PKHD1L1: variants seen among roughly 807,000 people sequenced by gnomAD.
The protein encoded by PKHD1L1 is fibrocystin-L.
Under a neutral mutation model 462.9 loss-of-function variants are expected in PKHD1L1, and 434 were observed. The observed-to-expected ratio is 0.94, with a 90% CI of 0.87 to 1.02. The LOEUF is 1.02. PKHD1L1 is among the 50% of genes least tolerant of loss of function. The probability of loss-of-function intolerance (pLI) is 0.00; values close to 1 mark genes in which losing one functional copy is unlikely to be tolerated. For missense variants in PKHD1L1, 5,202 were observed against 5,096.1 expected (o/e 1.02, Z -0.63); for synonymous variants, 1,781 against 1,750.0 (o/e 1.02, Z -0.44).
intron 8 of PKHD1L1, among the ~76,000 whole-genome samples, chr8:109,389,503 T>A (rs1586412095): frequency 7.0e-5 from 1 of 14,368 alleles, no homozygotes; most frequent in Non-Finnish European, 1.4e-4. Flanking sequence ...TTTAAGAGTG[T>A]GTGTGTGTGT....
chr8:109,454,849 C>A lies in PKHD1L1; in HGVS notation c.6871C>A (p.His2291Asn), dbSNP rs1017331162. 1 of 1,613,124 alleles carries A rather than the reference C, an allele frequency of 6.2e-7. No individual in the cohort carries two copies. The highest frequency in any genetic ancestry group is 8.5e-7 in the Non-Finnish European group (1 of 1,179,478). The change falls in exon 45 of 78, where the codon CAC becomes AAC. Residue 2291 changes from histidine to asparagine, a missense_variant. His to Asn is a moderately conservative substitution (Grantham distance 68). This residue lies in a region of PKHD1L1 where 4,497 missense variants were observed against 4,336.8 expected (regional missense o/e 1.04). Transcript: ENST00000378402. ...TGTGCGGGAGGGAATCCTGGATCTG[C>A]ACGGTACTGTGGCCAAGTGGCTAAG... ...LAVREGILDL[H>N]GVPVPVTWTR...
chr8:109,526,920 A>C lies in PKHD1L1; in HGVS notation c.12621A>C (p.Thr4207=). The change falls in exon 77 of 78, where the codon ACA becomes ACC. Residue 4207 remains threonine (T), a synonymous_variant. Coordinates refer to ENST00000378402, the MANE Select transcript of PKHD1L1 (RefSeq NM_177531.6). ...SSNSKASTVG[T]YAQIMTVVIS... is the part of the protein sequence containing the mutation. Reference sequence around the variant, plus strand: ...ACAGCAAAGCATCAACTGTGGGTACATATGCCCAGATAATGACTGTAGTAA... The same window carrying C: ...ACAGCAAAGCATCAACTGTGGGTACCTATGCCCAGATAATGACTGTAGTAA... 1 of 1,613,686 alleles carries C rather than the reference A, an allele frequency of 6.2e-7. No homozygotes were observed. The highest frequency in any genetic ancestry group is 8.5e-7 in the Non-Finnish European group (1 of 1,179,802).
rs1218592816 is a variant in PKHD1L1, at chr8:109,449,315, T to C, written c.6026-23T>C. The C allele has an allele frequency of 1.6e-5, 24 of 1,542,936 alleles. No homozygotes were observed. The Admixed American group carries it at 3.9e-4, about 25-fold the overall frequency. On this transcript the variant is annotated intron_variant, in intron 39 of 77. Transcript: ENST00000378402. ...GTTTTATTTTAATTAGCTTTGTTTTTCCTTTTTATTTGTCTTCACTAGGGA... is the reference window on the plus strand; with the variant it reads ...GTTTTATTTTAATTAGCTTTGTTTTCCCTTTTTATTTGTCTTCACTAGGGA...
At chr8:109,474,518 T>C (rs1303178985) in intron 50 of PKHD1L1, among the ~76,000 whole-genome samples, 1 of 152,172 alleles carries the variant, frequency 6.6e-6, no homozygotes, top group Admixed American at 6.6e-5. Flanking sequence ...ATAGGTCTAG[T>C]TGTAGCCTTG....
chr8:109,389,499 A>AGTGTGT lies in PKHD1L1; in HGVS notation c.697+390_697+395dup, dbSNP rs55680302. ...CCTCCAGACACATAGATCTTTTAAGAGTGTGTGTGTGTGTGTGTGTGTGTG... is the reference window on the plus strand; with the variant it reads ...CCTCCAGACACATAGATCTTTTAAGAGTGTGTGTGTGTGTGTGTGTGTGTGTGTGTG... On this transcript the variant is annotated intron_variant, in intron 8 of 77. Transcript: ENST00000378402. Among the ~76,000 whole-genome samples, 300 of 140,878 alleles carry AGTGTGT rather than the reference A, an allele frequency of 2.1e-3. 1 individual carries two copies. The highest frequency in any genetic ancestry group is 0.019 in the East Asian group (87 of 4,654). 92.4% of individuals were successfully genotyped at this position (140,878 alleles called of 152,430 possible). A position where few individuals can be genotyped will look rare whatever the true frequency, so the allele number is the denominator to read the frequency against.
intron 47 of PKHD1L1, among the ~76,000 whole-genome samples, 161 bp downstream of exon 47, chr8:109,459,997 A>C (rs1238504187): frequency 1.3e-5 from 2 of 151,952 alleles, no homozygotes; most frequent in Non-Finnish European, 2.9e-5. Context: ...ATATCTTATA[A>C]ATATAATTAA....
rs538092084 is a variant in PKHD1L1 at position 109,534,187 on chromosome 8, G to A, written c.*4097G>A. On this transcript the variant is annotated 3_prime_UTR_variant, in exon 78 of 78. Coordinates refer to ENST00000378402, the MANE Select transcript of PKHD1L1 (RefSeq NM_177531.6). The stretch of plus-strand genomic sequence containing the variant: ...TGCTTCAACTTTAATCTGAGGCTAG[G>A]CGCAGTGGCTCACGCCTGTAATCCC... Among the ~76,000 whole-genome samples the A allele has an allele frequency of 1.3e-5, 2 of 152,362 alleles. No homozygotes were observed. The highest frequency in any genetic ancestry group is 4.8e-5 in the African/African-American group (2 of 41,594).
chr8:109,475,135 T>C lies in PKHD1L1; in HGVS notation c.8623T>C (p.Phe2875Leu), dbSNP rs1291551656. The C allele has an allele frequency of 1.9e-6, 3 of 1,609,514 alleles. No individual in the cohort carries two copies. Among genetic ancestry groups the C allele is most frequent in the Non-Finnish European group, 2.5e-6 (3 of 1,178,066 alleles). ...SDSFGTSIIP[F>L]QKKRLTHMSG... The stretch of plus-strand genomic sequence containing the variant: ...TCCTATAGGCACAAGCATTATTCCA[T>C]TTCAGAAGAAACGACTGACTCATAT... The change falls in exon 51 of 78, where the codon TTT (phenylalanine) becomes CTT (leucine). Residue 2875 changes from phenylalanine (F) to leucine (L), a missense_variant. Around this residue, in one of 3 missense-constraint regions of PKHD1L1, gnomAD observed 4,497 missense variants for 4,336.8 expected, o/e 1.04. Transcript: ENST00000378402.
chr8:109,475,132 C>A lies in PKHD1L1; in HGVS notation c.8620C>A (p.Pro2874Thr). Residue 2874 changes from proline (P) to threonine (T), a missense_variant, in exon 51 of 78, where the codon CCA becomes ACA. Around this residue, in one of 3 missense-constraint regions of PKHD1L1, gnomAD observed 4,497 missense variants for 4,336.8 expected, o/e 1.04. Coordinates refer to ENST00000378402, the MANE Select transcript of PKHD1L1 (RefSeq NM_177531.6). Reference protein sequence around the residue: ...LSDSFGTSIIPFQKKRLTHMS... With the variant: ...LSDSFGTSIITFQKKRLTHMS... ...TTCTCCTATAGGCACAAGCATTATT[C>A]CATTTCAGAAGAAACGACTGACTCA... 1.2e-6 allele frequency: 2 copies of A among 1,608,040 alleles called. No homozygotes were observed. Among genetic ancestry groups the A allele is most frequent in the African/African-American group, 1.3e-5 (1 of 74,758 alleles).
chr8:109,425,768 C>G (rs1220703859), intron 24 of PKHD1L1, among the ~76,000 whole-genome samples: 1 of 151,992 alleles, frequency 6.6e-6, no homozygotes. Flanking sequence ...ATTGAATTAT[C>G]TAAGTCTGTG....
chr8:109,535,921 G>A lies in PKHD1L1; in HGVS notation c.*5831G>A, dbSNP rs574172081. On this transcript the variant is annotated 3_prime_UTR_variant, in exon 78 of 78. Coordinates refer to ENST00000378402, the MANE Select transcript of PKHD1L1 (RefSeq NM_177531.6). ...AGCCTGGAGAGAGAGGGGAAGGATT[G>A]TAAGTGTCATAGTTCTGACAGCTGC... 9.1e-4 allele frequency among the ~76,000 whole-genome samples: 138 copies of A among 152,308 alleles called. 1 individual carries two copies. The highest frequency in any genetic ancestry group is 3.2e-3 in the African/African-American group (135 of 41,558).
intron 15 of PKHD1L1, 23 bp downstream of exon 15, chr8:109,404,736 C>A: frequency 1.3e-6 from 2 of 1,568,196 alleles, no homozygotes; most frequent in Non-Finnish European, 1.7e-6. Flanking sequence ...TGCAGTTCCT[C>A]TTACAGAAAG....
At chr8:109,432,992 A>G in intron 27 of PKHD1L1, 114 bp from the exon 28 acceptor site, 3 of 758,456 alleles carry the variant, frequency 4.0e-6, no homozygotes. Context: ...TGTTAGGCTT[A>G]TTGTTTATAT....
chr8:109,470,524 C>A (rs1250966866), intron 50 of PKHD1L1: 1 of 1,610,770 alleles, frequency 6.2e-7, no homozygotes, highest in Non-Finnish European at 8.5e-7. Flanking sequence ...GGAAAAGAAG[C>A]AGGGATTTGA....
intron 69 of PKHD1L1, 34 bp from the exon 70 acceptor site, chr8:109,508,063 A>G: frequency 6.4e-7 from 1 of 1,555,136 alleles, no homozygotes; most frequent in Non-Finnish European, 8.7e-7. Context: ...GAGATTCTGT[A>G]TTATTGCTAA....
intron 71 of PKHD1L1, among the ~76,000 whole-genome samples, chr8:109,513,246 G>A (rs911373949): frequency 1.8e-4 from 27 of 151,908 alleles, no homozygotes; most frequent in Non-Finnish European, 2.8e-4. Flanking sequence ...GAATAGGAGT[G>A]GTGAGAGAGG....
rs1813466068 is a variant in PKHD1L1, at chr8:109,405,087, T to A, written c.1626T>A (p.Cys542Ter). ...GCCCATGTGTGGAAGCTAATTCATG[T>A]TCACTTTACCAATATAGATTAATCT... is the stretch of plus-strand genomic sequence containing the variant. ...VTSPCVEANS[C>*]SLYQYRLIYN... Residue 542 changes from cysteine (C) to a stop codon, truncating the protein, a stop_gained, in exon 16 of 78, where the codon TGT (cysteine) becomes TGA (stop). Coordinates refer to ENST00000378402, the MANE Select transcript of PKHD1L1 (RefSeq NM_177531.6). LOFTEE classifies it high-confidence loss of function. 6.6e-7 allele frequency: 1 copy of A among 1,511,624 alleles called. No homozygotes were observed. The highest frequency in any genetic ancestry group is 1.9e-5 in the Admixed American group (1 of 52,554). The allele number at this position is 1,511,624 out of a possible 1,614,324, so 93.6% of individuals were successfully genotyped here.
intron 27 of PKHD1L1, among the ~76,000 whole-genome samples, chr8:109,430,521 A>T (rs1346134586): frequency 2.6e-5 from 4 of 152,238 alleles, no homozygotes; most frequent in African/African-American, 4.8e-5. Context: ...AATTATTGCC[A>T]TGAACTCAAT....
intron 61 of PKHD1L1, 25 bp from the exon 62 acceptor site, chr8:109,491,847 CT>C: frequency 1.3e-6 from 2 of 1,529,160 alleles, no homozygotes; most frequent in Non-Finnish European, 1.8e-6. Context: ...TGGGGATTTT[CT>C]TTCTTTTTTT....
Sources: gnomAD v4.1 joint callset for allele counts (sites outside exome capture counted in the v4.1 genomes callset) on GRCh38, gnomAD v4.1.1 for gene constraint, gnomAD v4.1.1 regional missense constraint, MANE v1.5 for transcripts, NCBI Gene and HGNC (gene_info 2026-07-23, HGNC 2026-07-21) for gene names.